GRIP1: variants seen among roughly 807,000 people sequenced by gnomAD.
GRIP1 encodes the protein glutamate receptor-interacting protein 1.
GRIP1 carries 45 observed loss-of-function variants against 129.9 expected under a neutral mutation model. The ratio of observed to expected loss-of-function variants is 0.35; its 90% CI spans 0.27 to 0.44. The LOEUF is 0.44. Among genes scored for constraint, GRIP1 ranks in the 20% least tolerant of loss-of-function variants. The probability of loss-of-function intolerance (pLI) is 1.00; values close to 1 mark genes in which losing one functional copy is unlikely to be tolerated. For synonymous variants in GRIP1, 530 were observed against 520.8 expected, an observed-to-expected ratio of 1.02 and a Z score of -0.24; for missense variants, 1,196 against 1,396.8, an observed-to-expected ratio of 0.86 and a Z score of 2.29.
At chr12:66,897,149 G>C (rs902392345) in intron 1 of GRIP1, among the ~76,000 whole-genome samples, 1 of 152,152 alleles carries the variant, frequency 6.6e-6, no homozygotes. Flanking sequence ...CAGTGTTGTC[G>C]GGAAGATGGC....
chr12:66,558,254 G>A (rs921738281), intron 2 of GRIP1, among the ~76,000 whole-genome samples: 4 of 152,148 alleles, frequency 2.6e-5, no homozygotes, highest in African/African-American at 7.2e-5. Flanking sequence ...AGTTACACAT[G>A]GCTGGAGAGA....
At chr12:67,009,856 T>C (rs1306638565) in intron 1 of GRIP1, among the ~76,000 whole-genome samples, 1 of 152,156 alleles carries the variant, frequency 6.6e-6, no homozygotes, top group African/African-American at 2.4e-5. Context: ...GAAGAAATTC[T>C]AGCTAATATA....
chr12:66,421,370 C>T (rs1262271008), intron 14 of GRIP1, among the ~76,000 whole-genome samples: 2 of 152,028 alleles, frequency 1.3e-5, no homozygotes, highest in Admixed American at 6.6e-5. Flanking sequence ...ATGGTGAAAC[C>T]CCACCTCTAC....
chr12:66,749,767 G>A (rs1374851551), intron 1 of GRIP1, among the ~76,000 whole-genome samples: 1 of 152,136 alleles, frequency 6.6e-6, no homozygotes, highest in Non-Finnish European at 1.5e-5. Context: ...TGGCCAAAAT[G>A]CAGATATAAT....
chr12:67,039,016 TAAAC>T (rs1398163784), intron 1 of GRIP1, among the ~76,000 whole-genome samples: 2 of 59,848 alleles, frequency 3.3e-5, no homozygotes, highest in Non-Finnish European at 3.9e-5. Context: ...TCACAAATAA[TAAAC>T]ACACACACAC....
intron 1 of GRIP1, among the ~76,000 whole-genome samples, chr12:66,709,516 A>T (rs947727435): frequency 3.4e-4 from 52 of 151,876 alleles, no homozygotes; most frequent in African/African-American, 1.2e-3. Flanking sequence ...TAGTGTGAAT[A>T]TTTTTTCTGT....
chr12:66,432,428 G>C (rs2058175692), intron 14 of GRIP1, 120 bp downstream of exon 14: 5 of 645,116 alleles, frequency 7.8e-6, no homozygotes, highest in Non-Finnish European at 1.4e-5. Flanking sequence ...CCACATTTTT[G>C]TATCATGATA....
At chr12:66,506,006 T>A (rs2060516520) in intron 7 of GRIP1, among the ~76,000 whole-genome samples, 1 of 152,204 alleles carries the variant, frequency 6.6e-6, no homozygotes, top group African/African-American at 2.4e-5. Context: ...TATTATTATA[T>A]TCTTTTCAGA....
intron 24 of GRIP1, among the ~76,000 whole-genome samples, chr12:66,351,546 C>A (rs2137066140): frequency 7.7e-6 from 1 of 130,242 alleles, no homozygotes; most frequent in South Asian, 2.5e-4. Context: ...TGCAGGGAAA[C>A]AGGAAGGTGG....
intron 1 of GRIP1, among the ~76,000 whole-genome samples, chr12:66,941,017 T>C (rs2137446843): frequency 6.6e-6 from 1 of 152,126 alleles, no homozygotes; most frequent in Non-Finnish European, 1.5e-5. Flanking sequence ...AAGAAAACAA[T>C]ATGCATTTTA....
chr12:66,434,043 G>A (rs148640810), intron 13 of GRIP1, among the ~76,000 whole-genome samples: 281 of 152,298 alleles, frequency 1.8e-3, no homozygotes, highest in Non-Finnish European at 3.1e-3. Flanking sequence ...GCCTTGAATT[G>A]CTCTTCTTGA....
chr12:66,898,311 T>C (rs1450092729), intron 1 of GRIP1, among the ~76,000 whole-genome samples: 2 of 152,182 alleles, frequency 1.3e-5, no homozygotes, highest in African/African-American at 4.8e-5. Flanking sequence ...AAGAAATGTT[T>C]CCTAATATTT....
chr12:66,554,972 T>C (rs2062273351), intron 2 of GRIP1, among the ~76,000 whole-genome samples: 1 of 152,198 alleles, frequency 6.6e-6, no homozygotes, highest in Non-Finnish European at 1.5e-5. Context: ...AGGAACTCTC[T>C]ACCCTGAAGG....
At chr12:66,446,081 G>A (rs2058616654) in intron 11 of GRIP1, among the ~76,000 whole-genome samples, 2 of 150,006 alleles carry the variant, frequency 1.3e-5, no homozygotes, top group African/African-American at 2.5e-5. Context: ...TTTAAACTCT[G>A]TACATTCCTC....
intron 1 of GRIP1, among the ~76,000 whole-genome samples, chr12:66,996,380 AAGAC>A (rs936807355): frequency 6.6e-6 from 1 of 152,100 alleles, no homozygotes; most frequent in Non-Finnish European, 1.5e-5. Context: ...AAAAAAAAAA[AAGAC>A]AAAGTACCTG....
At chr12:66,934,140 C>A (rs1289470039) in intron 1 of GRIP1, among the ~76,000 whole-genome samples, 1 of 152,124 alleles carries the variant, frequency 6.6e-6, no homozygotes, top group African/African-American at 2.4e-5. Context: ...GATGTGATCA[C>A]TTCTTCTTTT....
At chr12:67,014,838 G>A (rs886909334) in intron 1 of GRIP1, among the ~76,000 whole-genome samples, 1 of 152,030 alleles carries the variant, frequency 6.6e-6, no homozygotes, top group East Asian at 1.9e-4. Context: ...TGCTGACATC[G>A]ATTTCAGAAA....
intron 1 of GRIP1, among the ~76,000 whole-genome samples, chr12:66,955,786 C>T (rs996000710): frequency 9.2e-5 from 14 of 152,156 alleles, no homozygotes; most frequent in African/African-American, 2.9e-4. Flanking sequence ...GGATTACAGG[C>T]GTGAGCCACT....
intron 1 of GRIP1, among the ~76,000 whole-genome samples, chr12:67,020,074 T>C (rs1336934095): frequency 1.3e-5 from 2 of 152,202 alleles, no homozygotes; most frequent in South Asian, 2.1e-4. Flanking sequence ...AACTTCTTTT[T>C]TTGCACTTTA....
Sources: allele counts gnomAD v4.1 joint callset (sites outside exome capture counted in the v4.1 genomes callset), GRCh38; gene constraint gnomAD v4.1.1; transcripts MANE v1.5; gene names NCBI Gene and HGNC (gene_info 2026-07-23, HGNC 2026-07-21).